DEAF1: variants seen among roughly 807,000 people sequenced by gnomAD.
The protein encoded by DEAF1 is deformed epidermal autoregulatory factor 1 homolog.
In DEAF1, 53 loss-of-function variants were observed where a neutral mutation model predicts 58.9. That is an observed-to-expected ratio of 0.90 (90% CI 0.72 to 1.13). DEAF1 has a LOEUF of 1.13. Ranked by LOEUF, DEAF1 falls within the 50% of genes most tolerant of loss-of-function variation. The pLI is 0.00. For synonymous variants in DEAF1, 385 were observed against 340.4 expected, an observed-to-expected ratio of 1.13 and a Z score of -1.44; for missense variants, 685 against 791.4, an observed-to-expected ratio of 0.87 and a Z score of 1.61.
intron 1 of DEAF1, chr11:702,922 C>T (rs749830364): frequency 2.8e-5 from 42 of 1,490,918 alleles, no homozygotes; most frequent in Middle Eastern, 4.8e-4. Flanking sequence ...ACCACCTTCC[C>T]TCCCCTTTGC....
At chr11:689,797 T>G (rs958445924) in intron 2 of DEAF1, 9 of 152,146 alleles carry the variant, frequency 5.9e-5, no homozygotes, top group Non-Finnish European at 1.0e-4. Flanking sequence ...AACACACCAG[T>G]CTCTGGTCTT....
intron 5 of DEAF1, among the ~76,000 whole-genome samples, chr11:686,187 G>A (rs1457745222): frequency 6.6e-6 from 1 of 150,650 alleles, no homozygotes; most frequent in African/African-American, 2.4e-5. Context: ...AGCTACTCAG[G>A]AGGCTGAGGT....
At chr11:651,690 T>G (rs1472389218) in intron 11 of DEAF1, among the ~76,000 whole-genome samples, 2 of 152,070 alleles carry the variant, frequency 1.3e-5, no homozygotes, top group Non-Finnish European at 2.9e-5. Flanking sequence ...ATCGAGACCA[T>G]CCTGGCTAAC....
chr11:653,185 T>C (rs11246242), intron 11 of DEAF1, among the ~76,000 whole-genome samples: 36,632 of 137,186 alleles, frequency 0.27, 6,465 homozygotes, highest in African/African-American at 0.49. Flanking sequence ...GTTTGTAGCC[T>C]ACAAAATTTC....
chr11:682,669 T>C (rs1452203435), intron 6 of DEAF1, among the ~76,000 whole-genome samples: 1 of 152,144 alleles, frequency 6.6e-6, no homozygotes, highest in Non-Finnish European at 1.5e-5. Flanking sequence ...CCGGGTTCTG[T>C]GTGGGGGGCA....
chr11:671,833 AAAAAAAAAAAAAAAAAG>A (rs1441002061), intron 10 of DEAF1, among the ~76,000 whole-genome samples: 7 of 117,604 alleles, frequency 6.0e-5, no homozygotes, highest in African/African-American at 1.6e-4. Flanking sequence ...TCTTAAAAAA[AAAAAAAAAAAAAAAAAG>A]AAACACAAAA....
intron 2 of DEAF1, among the ~76,000 whole-genome samples, chr11:690,830 C>T (rs190891318): frequency 4.5e-4 from 68 of 152,288 alleles, no homozygotes; most frequent in Non-Finnish European, 8.7e-4. Flanking sequence ...GAAAAGACTA[C>T]AAGTAACAGG....
At chr11:674,474 G>T in intron 10 of DEAF1, 62 bp downstream of exon 10, 1 of 1,611,252 alleles carries the variant, frequency 6.2e-7, no homozygotes, top group Non-Finnish European at 8.5e-7. Flanking sequence ...CTGGGCACAG[G>T]CACCAGGGTG....
intron 1 of DEAF1, chr11:703,607 C>G: frequency 8.1e-7 from 1 of 1,232,894 alleles, no homozygotes; most frequent in Non-Finnish European, 1.0e-6. Context: ...TGGCCAGGCC[C>G]CACCTGTGTT....
chr11:654,071 G>A lies in DEAF1; in HGVS notation c.1504-20C>T. On this transcript the variant is annotated intron_variant, in intron 10 of 11. Coordinates refer to ENST00000382409, the MANE Select transcript of DEAF1 (RefSeq NM_021008.4). ...GGACTGCTGCAAGAAGGACACAACA[G>A]GCCAGTCAGTGACGTGGCCGTGGAG... 1 of 1,610,088 alleles carries A rather than the reference G, an allele frequency of 6.2e-7. No homozygotes were observed. The highest frequency in any genetic ancestry group is 1.7e-4 in the Middle Eastern group (1 of 5,962).
upstream of DEAF1, chr11:695,692 G>T: frequency 8.0e-7 from 1 of 1,243,228 alleles, no homozygotes. Context: ...CCTCGGCCGT[G>T]GCTCGGACGT....
intron 11 of DEAF1, among the ~76,000 whole-genome samples, chr11:647,327 G>T (rs1858544170): frequency 6.6e-6 from 1 of 152,024 alleles, no homozygotes; most frequent in Non-Finnish European, 1.5e-5. Flanking sequence ...GGTGGCGGGT[G>T]CCTGTAATCC....
rs752827960 is a variant in DEAF1, at chr11:687,005, G to A, written c.665-8C>T. 1 of 1,613,954 alleles carries A rather than the reference G, an allele frequency of 6.2e-7. No individual in the cohort carries two copies. Among genetic ancestry groups the A allele is most frequent in the Non-Finnish European group, 8.5e-7 (1 of 1,180,044 alleles). On this transcript the variant is annotated splice_region_variant and splice_polypyrimidine_tract_variant and intron_variant, in intron 4 of 11. Coordinates refer to ENST00000382409, the MANE Select transcript of DEAF1 (RefSeq NM_021008.4). Reference sequence around the variant, plus strand: ...TGCACCGTCCCCGGCCGCCTGCAAGGAAGGGCAGCAGTCATGATGATGGCA... The same window carrying A: ...TGCACCGTCCCCGGCCGCCTGCAAGAAAGGGCAGCAGTCATGATGATGGCA...
chr11:706,176 C>T (rs886908879), intron 1 of DEAF1: 4 of 152,268 alleles, frequency 2.6e-5, no homozygotes, highest in African/African-American at 7.2e-5. Flanking sequence ...GGCCCGGCCC[C>T]GCCGAGCGTC....
upstream of DEAF1, chr11:699,162 C>T (rs752484259): frequency 4.2e-6 from 2 of 480,286 alleles, no homozygotes; most frequent in South Asian, 3.9e-5. Flanking sequence ...CTGTCTCGGC[C>T]GCTAGTGGCA....
At chr11:696,429 A>G (rs1590031003), upstream of DEAF1, among the ~76,000 whole-genome samples, 2 of 152,232 alleles carry the variant, frequency 1.3e-5, no homozygotes, top group Admixed American at 1.3e-4. Flanking sequence ...TGGCTACTCC[A>G]TAGGCAGGAC....
At chr11:666,599 G>A (rs1031328185) in intron 10 of DEAF1, 12 of 152,206 alleles carry the variant, frequency 7.9e-5, no homozygotes, top group African/African-American at 2.9e-4. Flanking sequence ...CAGCTACTCG[G>A]GAGGCTGAGG....
At chr11:680,095 C>T (rs1860282161) in intron 7 of DEAF1, 1 of 503,340 alleles carries the variant, frequency 2.0e-6, no homozygotes, top group African/African-American at 1.9e-5. Flanking sequence ...AGAAAACAAA[C>T]ATAAAATAAA....
intron 10 of DEAF1, 37 bp downstream of exon 10, chr11:674,499 G>T: frequency 6.2e-7 from 1 of 1,612,978 alleles, no homozygotes; most frequent in Non-Finnish European, 8.5e-7. Context: ...GGGGTTACTC[G>T]GCACAGGTCG....
Sources: gnomAD v4.1 joint callset for allele counts (sites outside exome capture counted in the v4.1 genomes callset) on GRCh38, gnomAD v4.1.1 for gene constraint, MANE v1.5 for transcripts, NCBI Gene and HGNC (gene_info 2026-07-23, HGNC 2026-07-21) for gene names.